The following COX7A2L variants were observed in gnomAD, a reference collection of about 807,000 sequenced individuals.
The protein encoded by COX7A2L is cytochrome c oxidase subunit 7A2 like.
Under a neutral mutation model 14.2 loss-of-function variants are expected in COX7A2L, and 18 were observed. That is an observed-to-expected ratio of 1.27 (90% confidence interval 0.88 to 1.88). COX7A2L has a LOEUF of 1.88. Among genes scored for constraint, COX7A2L ranks in the 40% most tolerant of loss-of-function variants. COX7A2L has a pLI of 0.00. For synonymous variants in COX7A2L, 65 were observed against 57.4 expected (o/e 1.13, Z -0.60); for missense variants, 179 against 138.8 (o/e 1.29, Z -1.46).
At chr2:42,337,982 C>T (rs1670318963) in intron 2 of COX7A2L, among the ~76,000 whole-genome samples, 1 of 152,140 alleles carries the variant, frequency 6.6e-6, no homozygotes, top group Non-Finnish European at 1.5e-5. Context: ...CCTAGCATGG[C>T]GTGGCCATGA....
chr2:42,351,347 C>T lies in COX7A2L; in HGVS notation c.217G>A (p.Val73Met), dbSNP rs1670639457. ...LQKFFQKADGVPVYLKRGLPD... is the reference protein window; with the variant it reads ...LQKFFQKADGMPVYLKRGLPD... ...AGGCCTCGTTTCAGGTAGACGGGCACACCATCAGCTTTCTTGAAAGCAAGA... is the reference window on the plus strand; with the variant it reads ...AGGCCTCGTTTCAGGTAGACGGGCATACCATCAGCTTTCTTGAAAGCAAGA... Residue 73 changes from valine (V) to methionine (M), a missense_variant, in exon 3 of 3, where the codon GTG (valine) becomes ATG (methionine). Transcript: ENST00000234301. 4 of 1,613,912 alleles carry T rather than the reference C, an allele frequency of 2.5e-6. No individual in the cohort carries two copies. Among genetic ancestry groups the T allele is most frequent in the Admixed American group, 3.3e-5 (2 of 59,970 alleles).
upstream of COX7A2L, among the ~76,000 whole-genome samples, chr2:42,364,192 A>C (rs1671113095): frequency 6.7e-6 from 1 of 148,204 alleles, no homozygotes; most frequent in Admixed American, 6.8e-5. Context: ...CGGAGCTTGC[A>C]GTGAGCCGAG....
At chr2:42,353,404 A>G in intron 1 of COX7A2L, 61 bp from the exon 2 acceptor site, 1 of 1,592,770 alleles carries the variant, frequency 6.3e-7, no homozygotes, top group Non-Finnish European at 8.5e-7. Flanking sequence ...TGTCTGGAAT[A>G]GTGGAGGCAG....
At chr2:42,344,465 C>CT (rs1313912186), downstream of COX7A2L, among the ~76,000 whole-genome samples, 6 of 152,226 alleles carry the variant, frequency 3.9e-5, no homozygotes, top group African/African-American at 1.2e-4. Context: ...ACCATAAACT[C>CT]TAAGTGTTAG....
intron 1 of COX7A2L, among the ~76,000 whole-genome samples, chr2:42,368,086 C>T (rs1161312015): frequency 2.0e-5 from 3 of 152,214 alleles, no homozygotes; most frequent in Non-Finnish European, 2.9e-5. Flanking sequence ...AATGCAGAGC[C>T]TGTAAATCTG....
chr2:42,366,042 G>T (rs1316252454), upstream of COX7A2L, among the ~76,000 whole-genome samples: 1 of 152,176 alleles, frequency 6.6e-6, no homozygotes, highest in Non-Finnish European at 1.5e-5. Flanking sequence ...CCATACACCT[G>T]GGTCTTAAGG....
At chr2:42,348,900 G>C (rs1259092322), downstream of COX7A2L, among the ~76,000 whole-genome samples, 1 of 151,914 alleles carries the variant, frequency 6.6e-6, no homozygotes, top group Non-Finnish European at 1.5e-5. Context: ...CCTGGAGACA[G>C]AGCAAGACTC....
chr2:42,359,960 A>T (rs1203535635), intron 1 of COX7A2L: 1 of 152,150 alleles, frequency 6.6e-6, no homozygotes, highest in Non-Finnish European at 1.5e-5. Flanking sequence ...TCCTGGGCTC[A>T]AGCGACCCTC....
At chr2:42,340,707 C>A (rs756752647) in intron 2 of COX7A2L, among the ~76,000 whole-genome samples, 32 of 152,164 alleles carry the variant, frequency 2.1e-4, no homozygotes, top group Non-Finnish European at 4.4e-4. Context: ...GCAAGTTCAA[C>A]AGCGCCCCAG....
At chr2:42,353,564 G>A (rs1188300494) in intron 1 of COX7A2L, among the ~76,000 whole-genome samples, 2 of 152,182 alleles carry the variant, frequency 1.3e-5, no homozygotes, top group South Asian at 2.1e-4. Flanking sequence ...AATACCTGGT[G>A]TGTCTATCTT....
At chr2:42,347,943 A>G (rs979007912), downstream of COX7A2L, among the ~76,000 whole-genome samples, 3 of 152,168 alleles carry the variant, frequency 2.0e-5, no homozygotes, top group Admixed American at 2.0e-4. Flanking sequence ...AAATGCATCT[A>G]TATATGTTCA....
chr2:42,368,169 C>T (rs1671204069), intron 1 of COX7A2L, among the ~76,000 whole-genome samples: 4 of 152,160 alleles, frequency 2.6e-5, no homozygotes, highest in Admixed American at 2.6e-4. Flanking sequence ...TTGCTGTGTG[C>T]ACTCATGTTT....
chr2:42,355,450 T>C (rs1476984746), intron 1 of COX7A2L, among the ~76,000 whole-genome samples: 1 of 152,238 alleles, frequency 6.6e-6, no homozygotes, highest in Non-Finnish European at 1.5e-5. Flanking sequence ...AGAGTATTTT[T>C]GAAGGGATTG....
At chr2:42,352,479 C>T (rs1326240857) in intron 2 of COX7A2L, among the ~76,000 whole-genome samples, 2 of 152,178 alleles carry the variant, frequency 1.3e-5, no homozygotes, top group African/African-American at 4.8e-5. Flanking sequence ...TGTCCAAAAT[C>T]CTTCCCCACC....
upstream of COX7A2L, among the ~76,000 whole-genome samples, chr2:42,362,140 T>C (rs1175451277): frequency 6.6e-6 from 1 of 152,166 alleles, no homozygotes; most frequent in African/African-American, 2.4e-5. Context: ...TCAGAAACAC[T>C]TGTAAAATCT....
At chr2:42,361,236 T>G (rs754494173), upstream of COX7A2L, 104 of 1,416,724 alleles carry the variant, frequency 7.3e-5, no homozygotes, top group Non-Finnish European at 9.9e-5. Context: ...TCCCCGGCTG[T>G]GGTCCCGAGA....
Position 42,351,068 on chromosome 2 carries a change from T to C in COX7A2L, c.*151A>G. The C allele has an allele frequency of 1.1e-6, 1 of 876,854 alleles. No homozygotes were observed. Among genetic ancestry groups the C allele is most frequent in the Non-Finnish European group, 1.7e-6 (1 of 593,614 alleles). The allele number at this position is 876,854 out of a possible 1,614,324, so 54.3% of individuals were successfully genotyped here. On this transcript the variant is annotated 3_prime_UTR_variant, in exon 3 of 3. Transcript: ENST00000234301. The stretch of plus-strand genomic sequence containing the variant: ...GCTCTGACAAGCCATATGCATTTCA[T>C]AAACAAACCAAAACATCATCTTCAT...
At chr2:42,359,104 A>C (rs1211019874) in intron 1 of COX7A2L, 1 of 152,218 alleles carries the variant, frequency 6.6e-6, no homozygotes. Flanking sequence ...ACACGGACTA[A>C]CCTCAAAAAT....
In COX7A2L at chr2:42,339,364, C is replaced by T. The variant is rs1670352458; in HGVS notation, c.193-5495G>A. On this transcript the variant is annotated intron_variant, in intron 2 of 2. Coordinates refer to the COX7A2L transcript ENST00000468711. This position sits in a 1 kb window ranked among gnomAD's most constrained non-coding sequence, Gnocchi z 5.4. ...ATTCAACGCTAGGCTCCGTTCCACACCACTCACTCGAAGCATGAGAGACAC... is the reference window on the plus strand; with the variant it reads ...ATTCAACGCTAGGCTCCGTTCCACATCACTCACTCGAAGCATGAGAGACAC... 6.6e-6 allele frequency among the ~76,000 whole-genome samples: 1 copy of T among 152,172 alleles called. No homozygotes were observed. The highest frequency in any genetic ancestry group is 1.5e-5 in the Non-Finnish European group (1 of 68,028).
Sources: allele counts gnomAD v4.1 joint callset (sites outside exome capture counted in the v4.1 genomes callset), GRCh38; gene constraint gnomAD v4.1.1; non-coding constraint Gnocchi (gnomAD v3.1); transcripts MANE v1.5; gene names NCBI Gene and HGNC (gene_info 2026-07-23, HGNC 2026-07-21).